GFM2: variants seen among roughly 807,000 people sequenced by gnomAD.
GFM2 encodes GTP dependent ribosome recycling factor mitochondrial 2.
Under a neutral mutation model 95.4 loss-of-function variants are expected in GFM2, and 72 were observed. That is an observed-to-expected ratio of 0.76 (90% CI 0.62 to 0.92). The LOEUF is 0.92. Among genes scored for constraint, GFM2 ranks in the 40% least tolerant of loss-of-function variants. The pLI is 0.00. For synonymous variants in GFM2, 276 were observed against 317.5 expected (o/e 0.87, Z 1.39); for missense variants, 825 against 924.1 (o/e 0.89, Z 1.39).
In GFM2 at chr5:74,725,648, C is replaced by G. The variant is rs367960522; in HGVS notation, c.2020G>C (p.Val674Leu). 8 of 1,607,672 alleles carry G rather than the reference C, an allele frequency of 5.0e-6. No homozygotes were observed. The highest frequency in any genetic ancestry group is 4.0e-5 in the African/African-American group (3 of 74,866). Residue 674 changes from valine to leucine, a missense_variant, in exon 19 of 21, where the codon GTG (valine) becomes CTG (leucine). Transcript: ENST00000296805. ...TMISACVSRC[V>L]QKALKKADKQ... is the part of the protein sequence containing the mutation. ...TTAGGATAGTTCTATACCTTTTGCA[C>G]GCATCTTGAGACACAGGCAGAAATC...
intron 19 of GFM2, among the ~76,000 whole-genome samples, chr5:74,725,405 A>T (rs1278655456): frequency 6.6e-6 from 1 of 152,210 alleles, no homozygotes; most frequent in East Asian, 1.9e-4. Flanking sequence ...CCTCTTTATC[A>T]GAGTATATTC....
At position 74,721,560 on chromosome 5, in the gene GFM2, A is replaced by T; in HGVS notation, c.*95T>A. The T allele has an allele frequency of 7.8e-7, 1 of 1,280,546 alleles. No homozygotes were observed. Among genetic ancestry groups the T allele is most frequent in the Non-Finnish European group, 1.1e-6 (1 of 894,370 alleles). 79.3% of individuals were successfully genotyped at this position (1,280,546 alleles called of 1,614,324 possible). On this transcript the variant is annotated 3_prime_UTR_variant, in exon 21 of 21. Transcript: ENST00000296805. Reference sequence around the variant, plus strand: ...AGTTCTCTGAATGTACTGAAACAGTACTTTATTCGTCCAATAAATAAAGCA... The same window carrying T: ...AGTTCTCTGAATGTACTGAAACAGTTCTTTATTCGTCCAATAAATAAAGCA...
chr5:74,741,437 T>TAA, intron 11 of GFM2, 92 bp downstream of exon 11: 4 of 600,404 alleles, frequency 6.7e-6, no homozygotes, highest in Middle Eastern at 2.7e-4. Context: ...ATGCAAAGTT[T>TAA]AAAAAAAAAA....
chr5:74,749,377 A>G (rs747039142), intron 7 of GFM2, among the ~76,000 whole-genome samples: 2 of 152,062 alleles, frequency 1.3e-5, no homozygotes, highest in Non-Finnish European at 2.9e-5. Flanking sequence ...CCTCACCAAC[A>G]TTTGCTATCA....
chr5:74,733,120 T>C (rs1472165826), intron 15 of GFM2, 22 bp from the exon 16 acceptor site: 4 of 1,507,424 alleles, frequency 2.7e-6, no homozygotes, highest in South Asian at 2.3e-5. Context: ...ACAACTGTTA[T>C]CTTTACATTT....
At chr5:74,736,643 C>A in intron 15 of GFM2, 153 bp downstream of exon 15, 1 of 1,444,214 alleles carries the variant, frequency 6.9e-7, no homozygotes, top group South Asian at 1.5e-5. Flanking sequence ...ATCAAAACAT[C>A]TTAAAAAACA....
intron 12 of GFM2, among the ~76,000 whole-genome samples, chr5:74,739,417 G>C (rs1743001252): frequency 6.6e-6 from 1 of 152,228 alleles, no homozygotes; most frequent in Non-Finnish European, 1.5e-5. Context: ...ACTTGGAAAA[G>C]CTAGGATTTA....
Position 74,725,735 on chromosome 5 carries a change from T to C in GFM2, c.1933A>G (p.Ile645Val), listed in dbSNP as rs777198322. Reference sequence around the variant, plus strand: ...TGTAAAGTAATTGCTACATCCTGAATTGGGGATCCAAGCAATGGTCCTAGA... The same window carrying C: ...TGTAAAGTAATTGCTACATCCTGAACTGGGGATCCAAGCAATGGTCCTAGA... ...CLQGPLLGSP[I>V]QDVAITLHSL... The change falls in exon 19 of 21, where the codon ATT becomes GTT. Residue 645 changes from isoleucine to valine, a missense_variant. By Grantham distance (29) the Ile-to-Val change is conservative. Coordinates refer to ENST00000296805, the MANE Select transcript of GFM2 (RefSeq NM_032380.5). 2.7e-5 allele frequency: 44 copies of C among 1,613,278 alleles called. No homozygotes were observed. The highest frequency in any genetic ancestry group is 2.4e-5 in the Non-Finnish European group (28 of 1,179,466).
rs138670775 is a variant in GFM2 at position 74,739,998 on chromosome 5, T to C, written c.1070A>G (p.Tyr357Cys). ...GTGATTGCATACTTACAGAAATTCA[T>C]AGTTACGCTCTTCAGGTGAAGGTAA... ...MYLPSPEERNYEFLQWYKDDL... is the reference protein window; with the variant it reads ...MYLPSPEERNCEFLQWYKDDL... The change falls in exon 12 of 21, where the codon TAT becomes TGT. Residue 357 changes from tyrosine (Y) to cysteine (C), a missense_variant. Tyr to Cys is a radical substitution (Grantham distance 194). Coordinates refer to ENST00000296805, the MANE Select transcript of GFM2 (RefSeq NM_032380.5). The C allele has an allele frequency of 1.6e-4, 245 of 1,541,810 alleles. No homozygotes were observed. Among genetic ancestry groups the C allele is most frequent in the African/African-American group, 7.7e-4 (55 of 71,388 alleles).
intron 7 of GFM2, among the ~76,000 whole-genome samples, chr5:74,748,917 T>TA (rs199815347): frequency 1.0e-4 from 12 of 115,046 alleles, no homozygotes; most frequent in Non-Finnish European, 1.6e-4. Context: ...AATAAAAAAA[T>TA]AAAAAAAAAT....
chr5:74,739,219 T>C (rs952465734), intron 12 of GFM2, among the ~76,000 whole-genome samples: 4 of 152,166 alleles, frequency 2.6e-5, no homozygotes, highest in African/African-American at 9.6e-5. Flanking sequence ...TAAAGTAGTT[T>C]AAACACTTCT....
At chr5:74,742,003 T>C (rs975582935) in intron 10 of GFM2, among the ~76,000 whole-genome samples, 1 of 152,170 alleles carries the variant, frequency 6.6e-6, no homozygotes, top group African/African-American at 2.4e-5. Flanking sequence ...CCTCTAATAT[T>C]CTGAATGTTC....
At chr5:74,760,255 G>C (rs1441325101) in intron 3 of GFM2, among the ~76,000 whole-genome samples, 1 of 152,100 alleles carries the variant, frequency 6.6e-6, no homozygotes, top group Non-Finnish European at 1.5e-5. Context: ...CAGAGACCTA[G>C]ATACACACCA....
chr5:74,741,452 C>T, intron 11 of GFM2, 77 bp downstream of exon 11: 1 of 681,156 alleles, frequency 1.5e-6, no homozygotes, highest in Non-Finnish European at 2.5e-6. Flanking sequence ...AAAAAATGCA[C>T]ACACATCAAA....
chr5:74,765,038 G>C (rs960356940), intron 1 of GFM2: 2 of 841,464 alleles, frequency 2.4e-6, no homozygotes, highest in African/African-American at 1.8e-5. Context: ...TACCCACCTC[G>C]GCCTCCCAAA....
chr5:74,760,920 T>G lies in GFM2; in HGVS notation c.130A>C (p.Asn44His). 6 of 1,608,468 alleles carry G rather than the reference T, an allele frequency of 3.7e-6. No individual in the cohort carries two copies. The highest frequency in any genetic ancestry group is 5.1e-6 in the Non-Finnish European group (6 of 1,175,426). ...TTTGTACCTGGTAGAGAACTGCAATTTCTTCCAAGCGGCACATGTGGCTTT... is the reference window on the plus strand; with the variant it reads ...TTTGTACCTGGTAGAGAACTGCAATGTCTTCCAAGCGGCACATGTGGCTTT... ...RLKPHVPLGRNCSSLPGLIGN... is the reference protein window; with the variant it reads ...RLKPHVPLGRHCSSLPGLIGN... The change falls in exon 3 of 21, where the codon AAT becomes CAT. Residue 44 changes from asparagine to histidine, a missense_variant. Transcript: ENST00000296805.
chr5:74,736,402 T>C, intron 15 of GFM2: 1 of 983,964 alleles, frequency 1.0e-6, no homozygotes, highest in Non-Finnish European at 1.2e-6. Flanking sequence ...ATATCTTCAT[T>C]GAGTTCTAGA....
At chr5:74,755,664 G>A (rs746807172) in intron 5 of GFM2, among the ~76,000 whole-genome samples, 1 of 152,148 alleles carries the variant, frequency 6.6e-6, no homozygotes, top group African/African-American at 2.4e-5. Context: ...AATCCTCCTA[G>A]ATTAAACCAG....
At chr5:74,744,505 G>T (rs1294625874) in intron 10 of GFM2, among the ~76,000 whole-genome samples, 1 of 151,980 alleles carries the variant, frequency 6.6e-6, no homozygotes, top group Admixed American at 6.6e-5. Context: ...AGAAATTAAG[G>T]TATGTTTTAT....
Sources: allele counts gnomAD v4.1 joint callset (sites outside exome capture counted in the v4.1 genomes callset), GRCh38; gene constraint gnomAD v4.1.1; transcripts MANE v1.5; gene names NCBI Gene and HGNC (gene_info 2026-07-23, HGNC 2026-07-21).